The following TGFBI variants were observed in gnomAD, a reference collection of about 807,000 sequenced individuals.
TGFBI encodes transforming growth factor beta induced.
TGFBI carries 50 observed loss-of-function variants against 73.7 expected under a neutral mutation model. The ratio of observed to expected loss-of-function variants is 0.68; its 90% CI spans 0.54 to 0.86. The LOEUF is 0.86. Ranked by LOEUF, TGFBI falls within the 40% of genes least tolerant of loss-of-function variation. The probability of loss-of-function intolerance (pLI) is 0.00; values close to 1 mark genes in which losing one functional copy is unlikely to be tolerated. For synonymous variants in TGFBI, 362 were observed against 360.5 expected, an observed-to-expected ratio of 1.00 and a Z score of -0.05; for missense variants, 839 against 877.0, an observed-to-expected ratio of 0.96 and a Z score of 0.55.
chr5:136,038,522 C>A (rs1200518552), intron 2 of TGFBI, among the ~76,000 whole-genome samples: 1 of 151,706 alleles, frequency 6.6e-6, no homozygotes, highest in African/African-American at 2.4e-5. Context: ...GGAGACCAGC[C>A]TGACCAACAT....
chr5:136,038,341 G>T lies in TGFBI; in HGVS notation c.233+4480G>T, dbSNP rs529815459. On this transcript the variant is annotated intron_variant, in intron 2 of 16. Transcript: ENST00000442011. The stretch of plus-strand genomic sequence containing the variant: ...CTTACTGGAAAAAGAGACTTTGCAG[G>T]TGTGATTAAATTAAGGATCATAAGA... Among the ~76,000 whole-genome samples, 11 of 152,306 alleles carry T rather than the reference G, an allele frequency of 7.2e-5. No individual in the cohort carries two copies. The South Asian group carries it at 1.5e-3, about 20-fold the overall frequency.
Position 136,047,174 on chromosome 5 carries a change from A to T in TGFBI, c.625-100A>T, listed in dbSNP as rs1280394224. On this transcript the variant is annotated intron_variant, in intron 5 of 16. Transcript: ENST00000442011. ...CTATTCCACAGCTTGTGGAACCCACATTTTGCTACTGTGTTTGAAAACACT... is the reference window on the plus strand; with the variant it reads ...CTATTCCACAGCTTGTGGAACCCACTTTTTGCTACTGTGTTTGAAAACACT... 6 of 1,555,024 alleles carry T rather than the reference A, an allele frequency of 3.9e-6. No homozygotes were observed. The African/African-American group carries it at 8.1e-5, about 21-fold the overall frequency.
chr5:136,034,319 G>A lies in TGFBI; in HGVS notation c.233+458G>A, dbSNP rs192207473. On this transcript the variant is annotated intron_variant, in intron 2 of 16. Transcript: ENST00000442011. ...CTAAACATATGCAGATTATGAGACA[G>A]CATAGCATATAATATTTGCACAGAC... is the stretch of plus-strand genomic sequence containing the variant. Among the ~76,000 whole-genome samples the A allele has an allele frequency of 2.9e-4, 44 of 152,108 alleles. 1 individual carries two copies. The highest frequency in any genetic ancestry group is 2.8e-3 in the Admixed American group (43 of 15,264).
At chr5:136,048,204 T>C (rs2073511) in intron 6 of TGFBI, 55,582 of 151,988 alleles carry the variant, frequency 0.37, 11,376 homozygotes, top group African/African-American at 0.56. Flanking sequence ...AGCTGGGAGC[T>C]TCGCTGTCTA....
At chr5:136,034,512 T>A (rs138877144) in intron 2 of TGFBI, among the ~76,000 whole-genome samples, 2 of 151,936 alleles carry the variant, frequency 1.3e-5, no homozygotes, top group Non-Finnish European at 2.9e-5. Context: ...CCAGCATATA[T>A]CAGTGCTCAA....
At chr5:136,054,518 AC>A (rs1351933688) in intron 9 of TGFBI, among the ~76,000 whole-genome samples, 197 bp from the exon 10 acceptor site, 3 of 152,034 alleles carry the variant, frequency 2.0e-5, no homozygotes, top group Non-Finnish European at 2.9e-5. Context: ...AACTCCAAAC[AC>A]CCTTGATTAT....
At chr5:136,052,070 T>TG (rs113621587) in intron 7 of TGFBI, among the ~76,000 whole-genome samples, 3,291 of 151,794 alleles carry the variant, frequency 0.022, 120 homozygotes, top group African/African-American at 0.076. Context: ...AGCCTGGGGT[T>TG]GGGGGGGGCT....
intron 1 of TGFBI, among the ~76,000 whole-genome samples, chr5:136,031,396 A>G (rs1221897823): frequency 1.3e-5 from 2 of 152,258 alleles, no homozygotes; most frequent in Non-Finnish European, 2.9e-5. Context: ...GTGCTGCCTG[A>G]TATGAAGGAA....
chr5:136,054,639 C>T, intron 9 of TGFBI, 77 bp from the exon 10 acceptor site: 1 of 1,595,216 alleles, frequency 6.3e-7, no homozygotes, highest in South Asian at 1.1e-5. Context: ...TGGGCTTTTT[C>T]ACTGTATTTA....
At chr5:136,033,643 A>T in intron 1 of TGFBI, 120 bp from the exon 2 acceptor site, 1 of 773,726 alleles carries the variant, frequency 1.3e-6, no homozygotes, top group South Asian at 1.7e-5. Flanking sequence ...CAAGACTGAA[A>T]TGACTCTCTC....
At chr5:136,059,750 C>T (rs545481235) in intron 13 of TGFBI, among the ~76,000 whole-genome samples, 1 of 152,208 alleles carries the variant, frequency 6.6e-6, no homozygotes, top group Non-Finnish European at 1.5e-5. Context: ...CTGCAGAGGC[C>T]ACTGACCCCT....
chr5:136,061,145 G>T, intron 14 of TGFBI: 1 of 592,890 alleles, frequency 1.7e-6, no homozygotes. Context: ...ATTGCTCTTT[G>T]CGGAGTTGCC....
At chr5:136,046,629 A>T in intron 4 of TGFBI, 134 bp downstream of exon 4, 1 of 1,299,184 alleles carries the variant, frequency 7.7e-7, no homozygotes, top group Non-Finnish European at 1.0e-6. Context: ...CCCCTTAGAA[A>T]AGGCTGTGGA....
intron 2 of TGFBI, among the ~76,000 whole-genome samples, chr5:136,042,500 G>A (rs1482797980): frequency 6.6e-6 from 1 of 152,162 alleles, no homozygotes; most frequent in Non-Finnish European, 1.5e-5. Flanking sequence ...TACTTTAGTT[G>A]CAGAGGATGA....
chr5:136,051,143 GA>G (rs1216480414), intron 7 of TGFBI, among the ~76,000 whole-genome samples: 1 of 152,140 alleles, frequency 6.6e-6, no homozygotes, highest in Non-Finnish European at 1.5e-5. Context: ...GGAGACCTCA[GA>G]ACTCCTTACT....
chr5:136,044,698 T>C (rs1003074523), intron 3 of TGFBI: 12 of 152,590 alleles, frequency 7.9e-5, no homozygotes, highest in African/African-American at 2.7e-4. Context: ...ATGGCACCTG[T>C]GAATTTTATT....
At chr5:136,029,290 C>G (rs531774840) in intron 1 of TGFBI, 101 bp downstream of exon 1, 137 of 1,299,716 alleles carry the variant, frequency 1.1e-4, no homozygotes, top group Non-Finnish European at 1.2e-4. Context: ...GCGCAGGGGA[C>G]AAAGCCCGAA....
chr5:136,053,928 T>C lies in TGFBI; in HGVS notation c.1127-15T>C. 1 of 1,611,920 alleles carries C rather than the reference T, an allele frequency of 6.2e-7. No individual in the cohort carries two copies. Among genetic ancestry groups the C allele is most frequent in the East Asian group, 2.2e-5 (1 of 44,808 alleles). On this transcript the variant is annotated splice_polypyrimidine_tract_variant and intron_variant, in intron 8 of 16. Coordinates refer to ENST00000442011, the MANE Select transcript of TGFBI (RefSeq NM_000358.3). ...GCGCTTTTAACTTTTGAACCCACTT[T>C]CTCCTTCCTTGTAGCCAAGACACTA...
At chr5:136,053,179 T>C in intron 8 of TGFBI, 60 bp downstream of exon 8, 1 of 1,521,250 alleles carries the variant, frequency 6.6e-7, no homozygotes, top group Non-Finnish European at 9.1e-7. Flanking sequence ...CTGCCATCCT[T>C]TGTGGCGGGG....
Sources: allele counts gnomAD v4.1 joint callset (sites outside exome capture counted in the v4.1 genomes callset), GRCh38; gene constraint gnomAD v4.1.1; transcripts MANE v1.5; gene names NCBI Gene and HGNC (gene_info 2026-07-23, HGNC 2026-07-21).